The following RABGAP1L variants were observed in gnomAD, a reference collection of about 807,000 sequenced individuals.
RABGAP1L encodes RAB GTPase activating protein 1 like, also known as rab GTPase-activating protein 1-like.
Under a neutral mutation model 137.7 loss-of-function variants are expected in RABGAP1L, and 63 were observed. That is an observed-to-expected ratio of 0.46 (90% CI 0.37 to 0.56). RABGAP1L has a LOEUF of 0.56. RABGAP1L is among the 20% of genes least tolerant of loss of function. RABGAP1L has a pLI of 0.00. For synonymous variants in RABGAP1L, 431 were observed against 433.7 expected (o/e 0.99, Z 0.08); for missense variants, 1,095 against 1,244.0 (o/e 0.88, Z 1.80).
chr1:174,684,583 G>A (rs1397675837), intron 15 of RABGAP1L, among the ~76,000 whole-genome samples: 8 of 152,170 alleles, frequency 5.3e-5, no homozygotes, highest in African/African-American at 9.7e-5. Flanking sequence ...TTTGGAGCAA[G>A]GGAATAATAC....
At chr1:174,186,511 A>G (rs762416944) in intron 1 of RABGAP1L, among the ~76,000 whole-genome samples, 28 of 152,336 alleles carry the variant, frequency 1.8e-4, no homozygotes, top group East Asian at 3.9e-4. Context: ...TCAGAATGCT[A>G]TCTGTCTACT....
In RABGAP1L at chr1:174,447,962, G is replaced by A. The variant is rs1654976329; in HGVS notation, c.1710+53817G>A. 4 of 550,108 alleles carry A rather than the reference G, an allele frequency of 7.3e-6. No individual in the cohort carries two copies. In the East Asian group the frequency reaches 9.5e-5, roughly 13 times the overall value. 34.1% of individuals were successfully genotyped at this position (550,108 alleles called of 1,614,324 possible). ...AACTGAGGCTGGTGAAGAGACTTGA[G>A]CACTCTCTGGGACTCTCAGCTGTGA... On this transcript the variant is annotated intron_variant, in intron 13 of 25. Coordinates refer to ENST00000681986, the MANE Select transcript of RABGAP1L (RefSeq NM_001366446.1).
chr1:174,430,262 G>T (rs1162555745), intron 13 of RABGAP1L, among the ~76,000 whole-genome samples: 2 of 151,700 alleles, frequency 1.3e-5, no homozygotes, highest in Non-Finnish European at 1.5e-5. Flanking sequence ...CATGCCTGTA[G>T]TCCCAGAGGC....
rs142410709 is a variant in RABGAP1L at position 174,637,980 on chromosome 1, T to G, written c.1824+492T>G. On this transcript the variant is annotated intron_variant, in intron 14 of 25. Transcript: ENST00000681986. ...ATTTTGAAATCTTTTTTCTCCCTCA[T>G]TATAAGTAGGCCTGGAAAAAACCTG... Among the ~76,000 whole-genome samples, 47 of 152,310 alleles carry G rather than the reference T, an allele frequency of 3.1e-4. 1 individual carries two copies. The East Asian group carries it at 8.7e-3, about 28-fold the overall frequency.
chr1:174,749,384 G>A (rs1436865954), intron 17 of RABGAP1L, among the ~76,000 whole-genome samples: 1 of 151,520 alleles, frequency 6.6e-6, no homozygotes, highest in Non-Finnish European at 1.5e-5. Context: ...AGGCTGGAGT[G>A]CAATGGTGTG....
intron 1 of RABGAP1L, among the ~76,000 whole-genome samples, chr1:174,163,417 G>A (rs1664664571): frequency 6.6e-6 from 1 of 152,114 alleles, no homozygotes; most frequent in Admixed American, 6.5e-5. Flanking sequence ...TTATGCGCAT[G>A]CTAACTCTTT....
chr1:174,344,218 C>T (rs796835791), intron 11 of RABGAP1L, among the ~76,000 whole-genome samples: 6 of 152,218 alleles, frequency 3.9e-5, no homozygotes, highest in Non-Finnish European at 7.4e-5. Flanking sequence ...AACTTATTTT[C>T]GTGGTGATCT....
chr1:174,449,257 T>G (rs780135607), intron 13 of RABGAP1L: 47 of 1,385,778 alleles, frequency 3.4e-5, no homozygotes, highest in Non-Finnish European at 4.1e-5. Context: ...TATTCTAGAT[T>G]CATCTGGAAA....
intron 14 of RABGAP1L, among the ~76,000 whole-genome samples, chr1:174,668,444 CT>C (rs1355634348): frequency 6.6e-6 from 1 of 152,008 alleles, no homozygotes; most frequent in Non-Finnish European, 1.5e-5. Flanking sequence ...ACAGGATTGT[CT>C]TTTTTATGGC....
rs1016096270 is a variant in RABGAP1L at position 174,984,691 on chromosome 1, G to A, written c.2805+1786G>A. 5.3e-5 allele frequency among the ~76,000 whole-genome samples: 8 copies of A among 152,220 alleles called. No homozygotes were observed. The East Asian group carries it at 5.8e-4, about 11-fold the overall frequency. ...CAGGAGGCAGAGGTTGCAGTGAGCC[G>A]ACATTGTGCCACTGTACTCCAGCCT... On this transcript the variant is annotated intron_variant, in intron 24 of 25. Transcript: ENST00000681986.
chr1:174,770,786 A>G (rs1793310), intron 18 of RABGAP1L, among the ~76,000 whole-genome samples: 92,061 of 152,126 alleles, frequency 0.61, 31,056 homozygotes, highest in East Asian at 0.93. Flanking sequence ...TATGTCCTTG[A>G]TCCCATCTTT....
intron 13 of RABGAP1L, among the ~76,000 whole-genome samples, chr1:174,479,683 C>T (rs756303228): frequency 2.6e-5 from 4 of 152,074 alleles, no homozygotes; most frequent in East Asian, 3.9e-4. Context: ...TTTTCTATTC[C>T]GTTGCTTCAG....
Position 174,622,760 on chromosome 1 carries a change from C to T in RABGAP1L, c.1711-14615C>T, listed in dbSNP as rs58501155. 7.6e-3 allele frequency among the ~76,000 whole-genome samples: 1,151 copies of T among 152,206 alleles called. 14 individuals carry two copies. The highest frequency in any genetic ancestry group is 0.018 in the African/African-American group (768 of 41,530). ...AGGAAATATACCTAATGCTAAATGA[C>T]GAGTTAATGGGTGCAGCACACCAGC... On this transcript the variant is annotated intron_variant, in intron 13 of 25. Coordinates refer to ENST00000681986, the MANE Select transcript of RABGAP1L (RefSeq NM_001366446.1).
chr1:174,474,100 A>G (rs1049794693), intron 13 of RABGAP1L, among the ~76,000 whole-genome samples: 1 of 152,170 alleles, frequency 6.6e-6, no homozygotes, highest in African/African-American at 2.4e-5. Context: ...TTAATTTTAG[A>G]TCCTCAGTGC....
chr1:174,477,523 C>T (rs1439007671), intron 13 of RABGAP1L, among the ~76,000 whole-genome samples: 1 of 152,118 alleles, frequency 6.6e-6, no homozygotes, highest in Non-Finnish European at 1.5e-5. Context: ...TAGATGATGG[C>T]TATTTCACAT....
intron 14 of RABGAP1L, among the ~76,000 whole-genome samples, chr1:174,660,203 G>T (rs183975749): frequency 6.6e-6 from 1 of 152,164 alleles, no homozygotes; most frequent in Non-Finnish European, 1.5e-5. Context: ...TAGCAGTGGG[G>T]TAAGCCAGGC....
chr1:174,853,362 C>T (rs1431284658), intron 19 of RABGAP1L, among the ~76,000 whole-genome samples: 1 of 151,850 alleles, frequency 6.6e-6, no homozygotes, highest in Non-Finnish European at 1.5e-5. Flanking sequence ...ATCTTCTGGG[C>T]TTAGGTTTCA....
At chr1:174,517,829 C>T (rs562418395) in intron 13 of RABGAP1L, among the ~76,000 whole-genome samples, 184 of 152,204 alleles carry the variant, frequency 1.2e-3, no homozygotes, top group African/African-American at 4.2e-3. Context: ...TTTGCATTGA[C>T]ATAGTTCTTT....
chr1:174,213,380 G>T (rs1669049775), intron 1 of RABGAP1L, among the ~76,000 whole-genome samples: 1 of 152,170 alleles, frequency 6.6e-6, no homozygotes, highest in Non-Finnish European at 1.5e-5. Flanking sequence ...AGCCGAGATT[G>T]TGCCACTGCA....
Sources: allele counts gnomAD v4.1 joint callset (sites outside exome capture counted in the v4.1 genomes callset), GRCh38; gene constraint gnomAD v4.1.1; transcripts MANE v1.5; gene names NCBI Gene and HGNC (gene_info 2026-07-23, HGNC 2026-07-21).